Variants in HDAC9 observed in about 807,000 individuals in gnomAD.
HDAC9 encodes histone deacetylase 9.
Under a neutral mutation model 139.4 loss-of-function variants are expected in HDAC9, and 41 were observed. The ratio of observed to expected loss-of-function variants is 0.29; its 90% confidence interval spans 0.23 to 0.38. The LOEUF (loss-of-function observed/expected upper bound fraction) is 0.38. HDAC9 is among the 10% of genes least tolerant of loss of function. The pLI is 1.00. For missense variants in HDAC9, 1,147 were observed against 1,297.0 expected (o/e 0.88, Z 1.78); for synonymous variants, 517 against 476.2 (o/e 1.09, Z -1.12).
intron 14 of HDAC9, 67 bp from the exon 15 acceptor site, chr7:18,762,090 C>G (rs915196229): frequency 2.6e-6 from 4 of 1,558,712 alleles, no homozygotes; most frequent in African/African-American, 1.4e-5. Context: ...TTAAATGTGA[C>G]TTGGGGTCTC....
At position 18,486,451 on chromosome 7, in the gene HDAC9, G is replaced by A. The variant is rs148428918; in HGVS notation, c.-41-9811G>A. ...AAGCTGAAAAGACAGCCTTCAACTC[G>A]ATGACAATGTAAGGTGGAACTTCTT... On this transcript the variant is annotated intron_variant, in intron 1 of 3. Coordinates refer to the HDAC9 transcript ENST00000413509. 1.2e-3 allele frequency among the ~76,000 whole-genome samples: 183 copies of A among 152,140 alleles called. 1 individual carries two copies. Among genetic ancestry groups the A allele is most frequent in the African/African-American group, 4.3e-3 (177 of 41,524 alleles).
intron 17 of HDAC9, among the ~76,000 whole-genome samples, chr7:18,810,745 A>C (rs573862429): frequency 6.6e-6 from 1 of 151,958 alleles, no homozygotes; most frequent in Non-Finnish European, 1.5e-5. Flanking sequence ...CTATTATAGA[A>C]CTTTATATAA....
intron 1 of HDAC9, among the ~76,000 whole-genome samples, chr7:18,449,299 G>A (rs184168865): frequency 2.3e-4 from 35 of 152,184 alleles, no homozygotes; most frequent in African/African-American, 8.2e-4. Context: ...GAAAAAGAAT[G>A]AGCCATTGTT....
intron 2 of HDAC9, among the ~76,000 whole-genome samples, chr7:18,538,768 C>G (rs1484168783): frequency 3.9e-5 from 6 of 152,140 alleles, no homozygotes; most frequent in African/African-American, 1.2e-4. Flanking sequence ...AATGAAGAAA[C>G]CTGGCAGAAA....
chr7:18,717,087 G>C (rs1286419281), intron 12 of HDAC9, among the ~76,000 whole-genome samples: 1 of 150,652 alleles, frequency 6.6e-6, no homozygotes, highest in Non-Finnish European at 1.5e-5. Context: ...GTGAGAAGGA[G>C]AGAGTGACCT....
chr7:18,559,737 G>A (rs1820003288), intron 2 of HDAC9, among the ~76,000 whole-genome samples: 3 of 152,122 alleles, frequency 2.0e-5, no homozygotes, highest in Admixed American at 2.0e-4. Flanking sequence ...TCAGCCAAAT[G>A]AAAATAATTA....
intron 1 of HDAC9, among the ~76,000 whole-genome samples, chr7:18,313,139 T>C (rs1359957230): frequency 6.6e-6 from 1 of 152,154 alleles, no homozygotes; most frequent in East Asian, 1.9e-4. Context: ...CTTCATCACC[T>C]GAGTTTTCGG....
At chr7:18,782,613 G>A (rs1178770050) in intron 16 of HDAC9, among the ~76,000 whole-genome samples, 1 of 152,020 alleles carries the variant, frequency 6.6e-6, no homozygotes, top group African/African-American at 2.4e-5. Flanking sequence ...CTGATTGGAG[G>A]TAGTTCCTGG....
chr7:18,150,811 A>C (rs1346313145), intron 1 of HDAC9, among the ~76,000 whole-genome samples: 1 of 152,234 alleles, frequency 6.6e-6, no homozygotes. Flanking sequence ...TGCCCAAAAT[A>C]AGTGTGTCAA....
chr7:18,921,360 T>C (rs1418943204), intron 22 of HDAC9, among the ~76,000 whole-genome samples: 2 of 152,108 alleles, frequency 1.3e-5, no homozygotes, highest in Non-Finnish European at 1.5e-5. Flanking sequence ...ATCCAGAATC[T>C]ACACTGAACT....
At chr7:18,695,330 CAT>C (rs1022595696) in intron 12 of HDAC9, among the ~76,000 whole-genome samples, 2 of 152,136 alleles carry the variant, frequency 1.3e-5, no homozygotes, top group Non-Finnish European at 2.9e-5. Context: ...ATATTGGAAT[CAT>C]GTGGGAATGT....
chr7:18,321,528 T>C (rs1447200420), intron 1 of HDAC9, among the ~76,000 whole-genome samples: 4 of 152,072 alleles, frequency 2.6e-5, no homozygotes, highest in Admixed American at 6.6e-5. Context: ...TTTAAAAAAA[T>C]GTTTGTGTTA....
At chr7:18,320,061 C>G (rs1197839534) in intron 1 of HDAC9, among the ~76,000 whole-genome samples, 1 of 152,154 alleles carries the variant, frequency 6.6e-6, no homozygotes, top group East Asian at 1.9e-4. Context: ...ACTTCAGCAC[C>G]TGCTAGTCAC....
intron 2 of HDAC9, among the ~76,000 whole-genome samples, chr7:18,533,022 A>T (rs564236766): frequency 1.3e-5 from 2 of 152,238 alleles, no homozygotes; most frequent in Admixed American, 6.5e-5. Context: ...TACTCTTCCC[A>T]GTAGTTGAAT....
chr7:18,542,736 T>C (rs1266833449), intron 2 of HDAC9, among the ~76,000 whole-genome samples: 1 of 152,202 alleles, frequency 6.6e-6, no homozygotes, highest in Non-Finnish European at 1.5e-5. Flanking sequence ...TGGGAGAATA[T>C]GTGTCTGTTT....
intron 21 of HDAC9, among the ~76,000 whole-genome samples, chr7:18,867,076 T>A (rs1446198569): frequency 6.6e-6 from 1 of 152,244 alleles, no homozygotes; most frequent in Admixed American, 6.5e-5. Flanking sequence ...TTAGTGGTAG[T>A]ACTCTTTCTG....
intron 21 of HDAC9, among the ~76,000 whole-genome samples, chr7:18,837,893 T>G (rs1041393446): frequency 6.6e-6 from 1 of 152,086 alleles, no homozygotes; most frequent in African/African-American, 2.4e-5. Context: ...GCGCCTTCTC[T>G]TTGCCTGGAA....
chr7:18,787,749 T>G (rs1448946358), intron 16 of HDAC9, among the ~76,000 whole-genome samples: 1 of 152,190 alleles, frequency 6.6e-6, no homozygotes, highest in East Asian at 1.9e-4. Context: ...CAAAATAAAT[T>G]CCTGACCTTG....
chr7:18,621,113 T>G (rs1840089731), intron 6 of HDAC9, among the ~76,000 whole-genome samples: 1 of 152,074 alleles, frequency 6.6e-6, no homozygotes, highest in South Asian at 2.1e-4. Context: ...TAAAAGAATA[T>G]ATAATTGCTT....
Sources: gnomAD v4.1 joint callset for allele counts (sites outside exome capture counted in the v4.1 genomes callset) on GRCh38, gnomAD v4.1.1 for gene constraint, MANE v1.5 for transcripts, NCBI Gene and HGNC (gene_info 2026-07-23, HGNC 2026-07-21) for gene names.